The following TOP2A variants were observed in gnomAD, a reference collection of about 807,000 sequenced individuals.
TOP2A encodes DNA topoisomerase II alpha.
In TOP2A, 68 loss-of-function variants were observed where a neutral mutation model predicts 187.2. That is an observed-to-expected ratio of 0.36 (90% CI 0.30 to 0.44). The LOEUF (loss-of-function observed/expected upper bound fraction) is 0.44. Ranked by LOEUF, TOP2A falls within the 20% of genes least tolerant of loss-of-function variation. The pLI, the probability that TOP2A is intolerant of heterozygous loss-of-function variation, is 1.00. For missense variants in TOP2A, 1,196 were observed against 1,808.7 expected (o/e 0.66, Z 6.14); for synonymous variants, 542 against 593.2 (o/e 0.91, Z 1.25).
chr17:40,406,044 G>T (rs2035240440), intron 16 of TOP2A, among the ~76,000 whole-genome samples: 1 of 152,172 alleles, frequency 6.6e-6, no homozygotes, highest in Non-Finnish European at 1.5e-5. Context: ...GGGATTACAG[G>T]CGTGAGCCAC....
In TOP2A at chr17:40,406,285, T is replaced by C. The variant is rs1007766217; in HGVS notation, c.1953+99A>G. 3.0e-5 allele frequency: 23 copies of C among 759,294 alleles called. No homozygotes were observed. The East Asian group carries it at 6.2e-4, about 21-fold the overall frequency. The allele number at this position is 759,294 out of a possible 1,614,324, so 47.0% of individuals were successfully genotyped here. A position where few individuals can be genotyped will look rare whatever the true frequency, so the allele number is the denominator to read the frequency against. On this transcript the variant is annotated intron_variant, in intron 16 of 34. Transcript: ENST00000423485. ...TTCTATTCTATAAAACATTCTTTTT[T>C]TTTTGATACGGAGTCTTATACAAAA... is the stretch of plus-strand genomic sequence containing the variant.
chr17:40,410,488 G>A (rs2035308339), intron 10 of TOP2A, among the ~76,000 whole-genome samples: 1 of 152,150 alleles, frequency 6.6e-6, no homozygotes. Flanking sequence ...AAATGAGAGT[G>A]AAGATAAAAA....
In TOP2A at chr17:40,404,444, G is replaced by A; in HGVS notation, c.2094C>T (p.Phe698=). Residue 698 remains phenylalanine, a synonymous_variant, in exon 18 of 35, where the codon TTC becomes TTT. Coordinates refer to ENST00000423485, the MANE Select transcript of TOP2A (RefSeq NM_001067.4). The part of the protein sequence containing the change: ...QTTTYLTYND[F]INKELILFSN... The stretch of plus-strand genomic sequence containing the variant: ...AGAACAAGATAAGTTCCTTGTTGAT[G>A]AAGTCATTATATGTCAGATATGTGG... 1.2e-6 allele frequency: 2 copies of A among 1,611,956 alleles called. No individual in the cohort carries two copies. Among genetic ancestry groups the A allele is most frequent in the Non-Finnish European group, 1.7e-6 (2 of 1,178,302 alleles).
intron 34 of TOP2A, 123 bp downstream of exon 34, chr17:40,389,842 G>T: frequency 7.9e-7 from 1 of 1,265,712 alleles, no homozygotes; most frequent in Non-Finnish European, 1.1e-6. Context: ...AATATGTACA[G>T]TAAAAGCTAA....
At chr17:40,416,671 G>A in intron 2 of TOP2A, 69 bp downstream of exon 2, 2 of 1,548,612 alleles carry the variant, frequency 1.3e-6, no homozygotes, top group Non-Finnish European at 1.8e-6. Flanking sequence ...CTCAGTACAT[G>A]AAAGGTACAG....
chr17:40,389,350 G>C lies in TOP2A; in HGVS notation c.*169C>G, dbSNP rs555554579. The C allele has an allele frequency of 1.5e-6, 1 of 653,886 alleles. No individual in the cohort carries two copies. The highest frequency in any genetic ancestry group is 2.1e-5 in the South Asian group (1 of 46,694). 40.5% of individuals were successfully genotyped at this position (653,886 alleles called of 1,614,324 possible). On this transcript the variant is annotated 3_prime_UTR_variant, in exon 35 of 35. Coordinates refer to ENST00000423485, the MANE Select transcript of TOP2A (RefSeq NM_001067.4). ...CCATGAGATGGTCACTATTTAGACAGTATTATAAAAAGCTAAAGAACACTT... is the reference window on the plus strand; with the variant it reads ...CCATGAGATGGTCACTATTTAGACACTATTATAAAAAGCTAAAGAACACTT...
At position 40,399,095 on chromosome 17, in the gene TOP2A, A is replaced by C. The variant is rs374632990; in HGVS notation, c.3233T>G (p.Ile1078Ser). Reference protein sequence around the residue: ...KPKKELIKVLIQRGYDSDPVK... With the variant: ...KPKKELIKVLSQRGYDSDPVK... Reference sequence around the variant, plus strand: ...AGGATCCGAATCATATCCCCTCTGAATCAGAACTTTAATTAATTCTTTCTT... The same window carrying C: ...AGGATCCGAATCATATCCCCTCTGACTCAGAACTTTAATTAATTCTTTCTT... Residue 1078 changes from isoleucine (I) to serine (S), a missense_variant, in exon 25 of 35, where the codon ATT becomes AGT. By Grantham distance (142) the Ile-to-Ser change is moderately radical. Around this residue, in one of 10 missense-constraint regions of TOP2A, gnomAD observed 232 missense variants for 306.1 expected, o/e 0.76. Coordinates refer to ENST00000423485, the MANE Select transcript of TOP2A (RefSeq NM_001067.4). 2.0e-5 allele frequency: 31 copies of C among 1,577,320 alleles called. No homozygotes were observed. Among genetic ancestry groups the C allele is most frequent in the Non-Finnish European group, 2.7e-5 (31 of 1,159,728 alleles).
intron 16 of TOP2A, among the ~76,000 whole-genome samples, chr17:40,405,516 A>G (rs1251573243): frequency 8.0e-6 from 1 of 124,234 alleles, no homozygotes; most frequent in South Asian, 2.6e-4. Flanking sequence ...GTGCAGTGGC[A>G]CCATCTCAGC....
intron 13 of TOP2A, 28 bp downstream of exon 13, chr17:40,407,517 GAACA>G: frequency 6.6e-7 from 1 of 1,508,928 alleles, no homozygotes; most frequent in Middle Eastern, 1.9e-4. Context: ...TAATTTAGTT[GAACA>G]ATCTAAAAAT....
Position 40,400,074 on chromosome 17 carries a change from A to C in TOP2A, c.3001-7T>G, listed in dbSNP as rs776318185. ...CTACGTGGTCAAAAAGCACCTGAAA[A>C]AGGAAAACAAGATTAGAGCCAAGAA... On this transcript the variant is annotated splice_polypyrimidine_tract_variant and splice_region_variant and intron_variant, in intron 23 of 34. Transcript: ENST00000423485. 18 of 1,601,426 alleles carry C rather than the reference A, an allele frequency of 1.1e-5. No homozygotes were observed. Among genetic ancestry groups the C allele is most frequent in the Non-Finnish European group, 1.5e-5 (18 of 1,175,552 alleles).
chr17:40,403,845 T>G (rs570464676), intron 19 of TOP2A, among the ~76,000 whole-genome samples: 1 of 152,344 alleles, frequency 6.6e-6, no homozygotes, highest in South Asian at 2.1e-4. Context: ...ACTGATTCCA[T>G]GCATACATGT....
intron 29 of TOP2A, 70 bp from the exon 30 acceptor site, chr17:40,392,807 T>C: frequency 8.0e-7 from 1 of 1,246,558 alleles, no homozygotes; most frequent in Non-Finnish European, 1.1e-6. Context: ...CATCCATCCA[T>C]CCTTCAAATT....
At chr17:40,390,347 C>A (rs543635146) in intron 33 of TOP2A, among the ~76,000 whole-genome samples, 183 bp from the exon 34 acceptor site, 1 of 151,818 alleles carries the variant, frequency 6.6e-6, no homozygotes, top group Non-Finnish European at 1.5e-5. Flanking sequence ...TGCCACCACA[C>A]CCGGCTAATT....
chr17:40,393,518 C>T (rs1388014831), intron 29 of TOP2A, among the ~76,000 whole-genome samples: 1 of 151,952 alleles, frequency 6.6e-6, no homozygotes, highest in Non-Finnish European at 1.5e-5. Context: ...AGTAGATACT[C>T]AAGGACATAT....
chr17:40,390,952 G>A (rs1002782675), intron 33 of TOP2A, among the ~76,000 whole-genome samples: 3 of 152,074 alleles, frequency 2.0e-5, no homozygotes, highest in Non-Finnish European at 4.4e-5. Flanking sequence ...TCAAGAATAC[G>A]TTTTACGTTA....
intron 7 of TOP2A, 58 bp downstream of exon 7, chr17:40,412,701 G>C: frequency 1.4e-6 from 2 of 1,400,660 alleles, no homozygotes; most frequent in Non-Finnish European, 2.0e-6. Flanking sequence ...ATTCAATTTT[G>C]CACTTGACAA....
At chr17:40,406,013 G>A (rs984688887) in intron 16 of TOP2A, among the ~76,000 whole-genome samples, 3 of 152,036 alleles carry the variant, frequency 2.0e-5, no homozygotes, top group African/African-American at 7.3e-5. Context: ...TGATCTGCTC[G>A]CCTCTGCCTC....
In TOP2A at chr17:40,403,058, TG is replaced by T; in HGVS notation, c.2284-5del. On this transcript the variant is annotated splice_region_variant and splice_polypyrimidine_tract_variant and intron_variant, in intron 19 of 34. Transcript: ENST00000423485. ...TAATGGTCATCATTAGTGACATCTG[TG>T]GGGAAAAAAAGATTCATTAAGCTGA... 1 of 1,589,880 alleles carries T rather than the reference TG, an allele frequency of 6.3e-7. No homozygotes were observed. Among genetic ancestry groups the T allele is most frequent in the Admixed American group, 1.8e-5 (1 of 56,328 alleles).
At position 40,397,544 on chromosome 17, in the gene TOP2A, C is replaced by G. The variant is rs1056924302; in HGVS notation, c.3537+1014G>C. Among the ~76,000 whole-genome samples the G allele has an allele frequency of 1.1e-4, 16 of 152,160 alleles. No individual in the cohort carries two copies. In the South Asian group the frequency reaches 2.9e-3, roughly 28 times the overall value. On this transcript the variant is annotated intron_variant, in intron 27 of 34. Transcript: ENST00000423485. The stretch of plus-strand genomic sequence containing the variant: ...CAAGTGATCTGCCCACCTCAGCCTC[C>G]CAGAGTGCTGGGATTACAGGCATGA...
Sources: gnomAD v4.1 joint callset for allele counts (sites outside exome capture counted in the v4.1 genomes callset) on GRCh38, gnomAD v4.1.1 for gene constraint, gnomAD v4.1.1 regional missense constraint, MANE v1.5 for transcripts, NCBI Gene and HGNC (gene_info 2026-07-23, HGNC 2026-07-21) for gene names.